Variants in KCNH7 observed in about 807,000 individuals in gnomAD.
The protein encoded by KCNH7 is voltage-gated inwardly rectifying potassium channel KCNH7.
In KCNH7, 49 loss-of-function variants were observed where a neutral mutation model predicts 120.8. The ratio of observed to expected loss-of-function variants is 0.41; its 90% CI spans 0.32 to 0.51. The LOEUF (loss-of-function observed/expected upper bound fraction) is 0.51, where lower values mean the gene tolerates loss of function less well. Among genes scored for constraint, KCNH7 ranks in the 20% least tolerant of loss-of-function variants. The probability of loss-of-function intolerance (pLI) is 0.38; values close to 1 mark genes in which losing one functional copy is unlikely to be tolerated. For missense variants in KCNH7, 1,097 were observed against 1,446.6 expected (o/e 0.76, Z 3.92); for synonymous variants, 547 against 516.1 (o/e 1.06, Z -0.81).
chr2:162,732,333 G>C (rs1319910525), intron 2 of KCNH7, among the ~76,000 whole-genome samples: 1 of 152,056 alleles, frequency 6.6e-6, no homozygotes, highest in Admixed American at 6.6e-5. Context: ...AAACCAAAAG[G>C]TTTTATATAG....
At chr2:162,512,035 CCA>C (rs1286002651) in intron 5 of KCNH7, among the ~76,000 whole-genome samples, 2 of 151,644 alleles carry the variant, frequency 1.3e-5, no homozygotes, top group Non-Finnish European at 2.9e-5. Context: ...CCAAATTTAT[CCA>C]GAGTATTCCC....
intron 6 of KCNH7, among the ~76,000 whole-genome samples, chr2:162,492,991 C>A (rs2105720574): frequency 1.3e-5 from 2 of 148,724 alleles, no homozygotes; most frequent in East Asian, 4.1e-4. Context: ...CTTCTGATGG[C>A]CTGGGATGCC....
At chr2:162,627,058 T>A (rs572830877) in intron 2 of KCNH7, among the ~76,000 whole-genome samples, 1 of 152,194 alleles carries the variant, frequency 6.6e-6, no homozygotes, top group Non-Finnish European at 1.5e-5. Context: ...TCCCTTGTAG[T>A]CTTAAGATAG....
At chr2:162,571,583 G>A (rs1291534885) in intron 2 of KCNH7, among the ~76,000 whole-genome samples, 6 of 148,550 alleles carry the variant, frequency 4.0e-5, no homozygotes, top group Admixed American at 6.8e-5. Context: ...AGCCTGCATC[G>A]CCAAGTCAAT....
At chr2:162,763,448 A>G (rs1362295173) in intron 2 of KCNH7, among the ~76,000 whole-genome samples, 1 of 152,122 alleles carries the variant, frequency 6.6e-6, no homozygotes, top group African/African-American at 2.4e-5. Context: ...GAAACTGCCA[A>G]TTACTCACTG....
chr2:162,564,409 C>A (rs573961703), intron 2 of KCNH7, among the ~76,000 whole-genome samples: 1 of 152,270 alleles, frequency 6.6e-6, no homozygotes, highest in South Asian at 2.1e-4. Context: ...TTGCAGAATT[C>A]TTCTCAATGA....
chr2:162,595,944 C>T (rs954737251), intron 2 of KCNH7, among the ~76,000 whole-genome samples: 2 of 151,532 alleles, frequency 1.3e-5, no homozygotes, highest in African/African-American at 4.8e-5. Context: ...ATTAAGAAAA[C>T]AATCACATTT....
chr2:162,607,210 A>C (rs2105964075), intron 2 of KCNH7, among the ~76,000 whole-genome samples: 1 of 123,980 alleles, frequency 8.1e-6, no homozygotes, highest in African/African-American at 3.4e-5. Flanking sequence ...CCCCGTCTCT[A>C]CTAAAAATAC....
chr2:162,518,415 G>A (rs955682038), intron 3 of KCNH7, among the ~76,000 whole-genome samples: 1 of 151,758 alleles, frequency 6.6e-6, no homozygotes, highest in African/African-American at 2.4e-5. Context: ...GTATTTTGAT[G>A]ACATGAGACT....
At chr2:162,567,736 A>C (rs1693307824) in intron 2 of KCNH7, among the ~76,000 whole-genome samples, 1 of 152,038 alleles carries the variant, frequency 6.6e-6, no homozygotes, top group Admixed American at 6.6e-5. Context: ...AACAAGAATA[A>C]TTTGGATAAT....
At chr2:162,436,237 A>G (rs936000780) in intron 7 of KCNH7, among the ~76,000 whole-genome samples, 4 of 152,220 alleles carry the variant, frequency 2.6e-5, no homozygotes, top group East Asian at 3.9e-4. Context: ...GTTGCAAACC[A>G]TCTGTATAAT....
At chr2:162,539,989 C>G (rs1225200593) in intron 2 of KCNH7, among the ~76,000 whole-genome samples, 3 of 152,028 alleles carry the variant, frequency 2.0e-5, no homozygotes, top group Non-Finnish European at 4.4e-5. Context: ...TGACATTGCC[C>G]TAAGAAGTCA....
intron 2 of KCNH7, among the ~76,000 whole-genome samples, chr2:162,718,131 A>AT (rs1259430200): frequency 2.6e-5 from 4 of 151,674 alleles, no homozygotes; most frequent in African/African-American, 9.7e-5. Context: ...AGAATTTGTG[A>AT]TTTTAGTTGA....
chr2:162,460,486 T>C (rs1385545234), intron 6 of KCNH7, among the ~76,000 whole-genome samples: 1 of 152,192 alleles, frequency 6.6e-6, no homozygotes, highest in Non-Finnish European at 1.5e-5. Context: ...AGTTCATCAA[T>C]GCCTTGTCTT....
chr2:162,592,321 A>G (rs1460971782), intron 2 of KCNH7, among the ~76,000 whole-genome samples: 1 of 152,078 alleles, frequency 6.6e-6, no homozygotes, highest in African/African-American at 2.4e-5. Flanking sequence ...CGCCAAGGAA[A>G]GGGGTGGAGG....
chr2:162,589,765 C>A (rs2105930980), intron 2 of KCNH7, among the ~76,000 whole-genome samples: 1 of 152,050 alleles, frequency 6.6e-6, no homozygotes, highest in East Asian at 1.9e-4. Context: ...AAGAAGACAC[C>A]AAATTTTCAG....
intron 2 of KCNH7, among the ~76,000 whole-genome samples, chr2:162,781,819 C>T (rs1683504253): frequency 6.6e-6 from 1 of 152,134 alleles, no homozygotes; most frequent in Admixed American, 6.6e-5. Flanking sequence ...GCAGAGAACA[C>T]ATTGCTTAAA....
chr2:162,748,567 A>G (rs1688395094), intron 2 of KCNH7, among the ~76,000 whole-genome samples: 2 of 152,314 alleles, frequency 1.3e-5, no homozygotes, highest in South Asian at 4.1e-4. Context: ...TAAATGTAGT[A>G]GTCTTATTGA....
chr2:162,788,169 T>C (rs1157299047), intron 2 of KCNH7, among the ~76,000 whole-genome samples: 1 of 152,108 alleles, frequency 6.6e-6, no homozygotes, highest in African/African-American at 2.4e-5. Context: ...TGTGTGGCAA[T>C]AATTAAAAAT....
Sources: gnomAD v4.1 joint callset for allele counts (sites outside exome capture counted in the v4.1 genomes callset) on GRCh38, gnomAD v4.1.1 for gene constraint, MANE v1.5 for transcripts, NCBI Gene and HGNC (gene_info 2026-07-23, HGNC 2026-07-21) for gene names.